The following TENM2 variants were observed in gnomAD, a reference collection of about 807,000 sequenced individuals.
TENM2 encodes the protein teneurin-2.
Under a neutral mutation model 245.2 loss-of-function variants are expected in TENM2, and 52 were observed. The ratio of observed to expected loss-of-function variants is 0.21; its 90% CI spans 0.17 to 0.27. TENM2 has a LOEUF of 0.27. Ranked by LOEUF, TENM2 falls within the 10% of genes least tolerant of loss-of-function variation. TENM2 has a pLI of 1.00. For synonymous variants in TENM2, 1,363 were observed against 1,438.9 expected, an observed-to-expected ratio of 0.95 and a Z score of 1.19; for missense variants, 3,046 against 3,666.8, an observed-to-expected ratio of 0.83 and a Z score of 4.37.
chr5:167,568,609 A>G (rs986423486), intron 2 of TENM2, among the ~76,000 whole-genome samples: 31 of 150,088 alleles, frequency 2.1e-4, no homozygotes, highest in African/African-American at 6.1e-4. Flanking sequence ...TCTTAGTTCT[A>G]TTGTTTTTCA....
chr5:167,082,142 T>A, the TENM2 span, among the ~76,000 whole-genome samples: 2 of 152,182 alleles, frequency 1.3e-5, no homozygotes, highest in African/African-American at 4.8e-5. Flanking sequence ...TCTATTATCA[T>A]GTTTTGTTCT....
the TENM2 span, among the ~76,000 whole-genome samples, chr5:167,078,962 C>G: frequency 6.6e-6 from 1 of 151,966 alleles, no homozygotes; most frequent in Non-Finnish European, 1.5e-5. Flanking sequence ...ATATGAAAAA[C>G]GTGGGACTCC....
At chr5:168,260,612 C>T (rs1025523610) in intron 28 of TENM2, among the ~76,000 whole-genome samples, 199 bp downstream of exon 30, 1 of 152,216 alleles carries the variant, frequency 6.6e-6, no homozygotes, top group African/African-American at 2.4e-5. Context: ...TTCTTCCCAA[C>T]TTCGATTATT....
At chr5:167,148,293 C>G in the TENM2 span, among the ~76,000 whole-genome samples, 1 of 152,080 alleles carries the variant, frequency 6.6e-6, no homozygotes, top group African/African-American at 2.4e-5. Flanking sequence ...ATACTTTTTC[C>G]CCTATGAAAA....
chr5:167,657,078 A>G (rs1281520327), intron 2 of TENM2, among the ~76,000 whole-genome samples: 1 of 151,282 alleles, frequency 6.6e-6, no homozygotes, highest in Non-Finnish European at 1.5e-5. Flanking sequence ...TATAGCTGTT[A>G]TTTTGTGTCC....
chr5:167,624,321 G>A (rs576144278), intron 2 of TENM2, among the ~76,000 whole-genome samples: 5 of 152,130 alleles, frequency 3.3e-5, no homozygotes, highest in African/African-American at 1.2e-4. Flanking sequence ...TGCAGAAATA[G>A]AAAACCAAAT....
chr5:167,564,610 A>T (rs1377834244), intron 2 of TENM2, among the ~76,000 whole-genome samples: 1 of 152,068 alleles, frequency 6.6e-6, no homozygotes, highest in Non-Finnish European at 1.5e-5. Flanking sequence ...ACAAGAGGAA[A>T]TGATTGTTGC....
intron 2 of TENM2, among the ~76,000 whole-genome samples, chr5:167,769,188 G>A (rs1179701698): frequency 6.6e-6 from 1 of 152,206 alleles, no homozygotes; most frequent in African/African-American, 2.4e-5. Flanking sequence ...AAATGATAGT[G>A]ATGACTATGG....
At chr5:167,438,116 A>G (rs1170844095) in intron 2 of TENM2, among the ~76,000 whole-genome samples, 2 of 152,176 alleles carry the variant, frequency 1.3e-5, no homozygotes, top group Non-Finnish European at 2.9e-5. Flanking sequence ...ACTATCTGAT[A>G]ATCCAGGTTA....
chr5:167,166,631 T>C, the TENM2 span, among the ~76,000 whole-genome samples: 2 of 152,192 alleles, frequency 1.3e-5, no homozygotes, highest in African/African-American at 4.8e-5. Context: ...ATTTAAATCA[T>C]ACCTTTATAT....
the TENM2 span, among the ~76,000 whole-genome samples, chr5:167,104,173 A>G: frequency 6.6e-6 from 1 of 151,746 alleles, no homozygotes; most frequent in Non-Finnish European, 1.5e-5. Context: ...CTTTGAAGGC[A>G]AGACTGTGGC....
intron 2 of TENM2, among the ~76,000 whole-genome samples, chr5:167,705,792 G>T (rs1432023301): frequency 6.6e-6 from 1 of 151,612 alleles, no homozygotes. Context: ...AGCCCCTGCA[G>T]TTTCCCATTC....
the TENM2 span, among the ~76,000 whole-genome samples, chr5:167,117,251 C>G: frequency 6.6e-6 from 1 of 152,216 alleles, no homozygotes; most frequent in Non-Finnish European, 1.5e-5. Context: ...CGCCTGTAAT[C>G]CCAGCACTTT....
chr5:167,802,069 G>A (rs1162268928), intron 2 of TENM2, among the ~76,000 whole-genome samples: 3 of 152,188 alleles, frequency 2.0e-5, no homozygotes, highest in African/African-American at 7.2e-5. Flanking sequence ...CTCACGTGGT[G>A]GAAGACCTGA....
intron 2 of TENM2, among the ~76,000 whole-genome samples, chr5:167,423,702 T>C (rs940959406): frequency 2.1e-4 from 32 of 152,194 alleles, no homozygotes; most frequent in African/African-American, 7.0e-4. Context: ...TTAAGCATTA[T>C]ACTGAGAAAA....
At chr5:168,170,163 T>G (rs1758673529) in intron 13 of TENM2, among the ~76,000 whole-genome samples, 1 of 152,156 alleles carries the variant, frequency 6.6e-6, no homozygotes, top group Non-Finnish European at 1.5e-5. Flanking sequence ...TTTAGAAAAC[T>G]GTAAGGTAGG....
At chr5:167,531,289 T>C (rs1392933487) in intron 2 of TENM2, among the ~76,000 whole-genome samples, 2 of 152,196 alleles carry the variant, frequency 1.3e-5, no homozygotes, top group Non-Finnish European at 2.9e-5. Context: ...GAAACTGCAG[T>C]CTACTATTTC....
intron 2 of TENM2, among the ~76,000 whole-genome samples, chr5:167,529,879 C>G (rs1265183798): frequency 1.3e-5 from 2 of 152,110 alleles, no homozygotes; most frequent in African/African-American, 2.4e-5. Flanking sequence ...GTGTTTGAAG[C>G]TGTTGAGTGG....
In TENM2 at chr5:167,760,467, G is replaced by A. The variant is rs531474865; in HGVS notation, c.503-115519G>A. Among the ~76,000 whole-genome samples, 6 of 152,202 alleles carry A rather than the reference G, an allele frequency of 3.9e-5. No individual in the cohort carries two copies. The South Asian group carries it at 6.2e-4, about 16-fold the overall frequency. ...CCCTAACATCCAATTGCAGGCAATCGAGGCTTCTCCCACTTGTTCCCTTTC... is the reference window on the plus strand; with the variant it reads ...CCCTAACATCCAATTGCAGGCAATCAAGGCTTCTCCCACTTGTTCCCTTTC... On this transcript the variant is annotated intron_variant, in intron 2 of 28. Coordinates refer to ENST00000518659, the Ensembl canonical transcript of TENM2.
Sources: gnomAD v4.1 joint callset for allele counts (sites outside exome capture counted in the v4.1 genomes callset) on GRCh38, gnomAD v4.1.1 for gene constraint, MANE v1.5 for transcripts, NCBI Gene and HGNC (gene_info 2026-07-23, HGNC 2026-07-21) for gene names.